The following ATAD1 variants were observed in gnomAD, a reference collection of about 807,000 sequenced individuals.
ATAD1 encodes outer mitochondrial transmembrane helix translocase.
A neutral mutation model predicts 42.7 loss-of-function variants in ATAD1; 18 were observed. That is an observed-to-expected ratio of 0.42 (90% confidence interval 0.29 to 0.63). ATAD1 has a LOEUF of 0.63. Ranked by LOEUF, ATAD1 falls within the 20% of genes least tolerant of loss-of-function variation. The pLI is 0.19. For missense variants in ATAD1, 294 were observed against 440.4 expected (o/e 0.67, Z 2.98); for synonymous variants, 132 against 143.1 (o/e 0.92, Z 0.55).
intron 5 of ATAD1, among the ~76,000 whole-genome samples, chr10:87,777,578 G>A (rs992181602): frequency 3.3e-5 from 5 of 150,522 alleles, no homozygotes; most frequent in Non-Finnish European, 7.4e-5. Flanking sequence ...AGACTGAAAG[G>A]TGCTACATCC....
chr10:87,819,379 G>A (rs1857581196), upstream of ATAD1: 1 of 151,838 alleles, frequency 6.6e-6, no homozygotes, highest in South Asian at 2.1e-4. Flanking sequence ...TTGAGCGTGG[G>A]AGATCACGGC....
chr10:87,767,571 T>C, intron 8 of ATAD1, 102 bp downstream of exon 8: 1 of 1,094,134 alleles, frequency 9.1e-7, no homozygotes, highest in Non-Finnish European at 1.4e-6. Flanking sequence ...CTGGAGATCC[T>C]TGGGGTATAT....
chr10:87,798,912 T>C (rs1856546914), intron 2 of ATAD1, among the ~76,000 whole-genome samples: 1 of 152,126 alleles, frequency 6.6e-6, no homozygotes, highest in Non-Finnish European at 1.5e-5. Context: ...GAATCTATAA[T>C]ATGTACTTCT....
In ATAD1 at chr10:87,753,207, T is replaced by G. The variant is rs1459646087; in HGVS notation, c.*1480A>C. The G allele has an allele frequency of 1.3e-5, 2 of 152,126 alleles. No individual in the cohort carries two copies. Among genetic ancestry groups the G allele is most frequent in the East Asian group, 1.9e-4 (1 of 5,198 alleles). The allele number at this position is 152,126 out of a possible 1,614,324, so 9.4% of individuals were successfully genotyped here. ...TTTTTTTCATTTTTGGTATCTTGTA[T>G]TCAGTTTTTCCATCCTCTTCACAAT... is the stretch of plus-strand genomic sequence containing the variant. On this transcript the variant is annotated 3_prime_UTR_variant, in exon 10 of 10. Coordinates refer to ENST00000680024, the MANE Select transcript of ATAD1 (RefSeq NM_001321967.2).
chr10:87,791,356 T>C (rs549265737), intron 3 of ATAD1, among the ~76,000 whole-genome samples: 3 of 151,948 alleles, frequency 2.0e-5, no homozygotes, highest in South Asian at 4.2e-4. Context: ...GGAGCTGGAG[T>C]TGGGGCCAAT....
intron 6 of ATAD1, among the ~76,000 whole-genome samples, chr10:87,771,784 C>T (rs1419682833): frequency 6.7e-6 from 1 of 149,682 alleles, no homozygotes; most frequent in Admixed American, 6.6e-5. Flanking sequence ...TAAAAATAAA[C>T]ATGAATAAAA....
rs1182323432 is a variant in ATAD1 at position 87,753,471 on chromosome 10, G to A, written c.*1216C>T. 8 of 152,160 alleles carry A rather than the reference G, an allele frequency of 5.3e-5. No homozygotes were observed. Among genetic ancestry groups the A allele is most frequent in the East Asian group, 3.9e-4 (2 of 5,186 alleles). The allele number at this position is 152,160 out of a possible 1,614,324, so 9.4% of individuals were successfully genotyped here. A position where few individuals can be genotyped will look rare whatever the true frequency, so the allele number is the denominator to read the frequency against. ...AGGCACCTCAAGATTGTGTTGTGCC[G>A]TTTTCCTCATGCTGCGTGGTTAGGT... On this transcript the variant is annotated 3_prime_UTR_variant, in exon 10 of 10. Transcript: ENST00000680024.
At chr10:87,836,130 G>T (rs1262871626) in intron 1 of ATAD1, among the ~76,000 whole-genome samples, 1 of 151,806 alleles carries the variant, frequency 6.6e-6, no homozygotes, top group African/African-American at 2.4e-5. Flanking sequence ...GTTTTGTTTT[G>T]TTTTGTTTTC....
At chr10:87,809,017 C>T (rs1179814218) in intron 2 of ATAD1, among the ~76,000 whole-genome samples, 1 of 152,074 alleles carries the variant, frequency 6.6e-6, no homozygotes, top group Non-Finnish European at 1.5e-5. Context: ...GTTCTATGGG[C>T]CTGAAGTTTT....
chr10:87,755,135 A>C (rs1181156031), intron 9 of ATAD1, among the ~76,000 whole-genome samples: 2 of 152,260 alleles, frequency 1.3e-5, no homozygotes, highest in Admixed American at 1.3e-4. Context: ...CATAAGGTAA[A>C]AAATGTTATA....
chr10:87,767,132 G>A (rs1277734298), intron 8 of ATAD1, among the ~76,000 whole-genome samples: 1 of 152,122 alleles, frequency 6.6e-6, no homozygotes, highest in Non-Finnish European at 1.5e-5. Flanking sequence ...GCATTTTAAT[G>A]CACAGATACA....
chr10:87,766,285 G>A (rs1175046592), intron 8 of ATAD1, among the ~76,000 whole-genome samples: 2 of 152,120 alleles, frequency 1.3e-5, no homozygotes, highest in Non-Finnish European at 2.9e-5. Flanking sequence ...AGTATGAAAT[G>A]ACATACACAC....
At chr10:87,825,574 A>C (rs1014413973) in intron 1 of ATAD1, among the ~76,000 whole-genome samples, 1 of 152,036 alleles carries the variant, frequency 6.6e-6, no homozygotes, top group Non-Finnish European at 1.5e-5. Context: ...CTCCCAAAGT[A>C]CTGGGATTAC....
In ATAD1 at chr10:87,753,749, TAAAG is replaced by T. The variant is rs1361590328; in HGVS notation, c.*934_*937del. On this transcript the variant is annotated 3_prime_UTR_variant, in exon 10 of 10. Transcript: ENST00000680024. ...TGACCAAATTATATTTGACCATAATTAAAGAACACATAACCTTAAAATAATATTT... is the reference window on the plus strand; with the variant it reads ...TGACCAAATTATATTTGACCATAATTAACACATAACCTTAAAATAATATTT... 1 of 152,610 alleles carries T rather than the reference TAAAG, an allele frequency of 6.6e-6. No homozygotes were observed. 9.5% of individuals were successfully genotyped at this position (152,610 alleles called of 1,614,324 possible).
upstream of ATAD1, among the ~76,000 whole-genome samples, chr10:87,822,271 A>G (rs1857645231): frequency 6.6e-6 from 1 of 152,206 alleles, no homozygotes; most frequent in Non-Finnish European, 1.5e-5. Context: ...TTCAATCATT[A>G]TTTTTTAATT....
intron 7 of ATAD1, among the ~76,000 whole-genome samples, chr10:87,768,953 T>C (rs1411569286): frequency 6.6e-6 from 1 of 152,120 alleles, no homozygotes; most frequent in Non-Finnish European, 1.5e-5. Context: ...TGGTGGTGCA[T>C]GCCTATAGTC....
At chr10:87,781,647 A>ATT (rs34924600) in intron 5 of ATAD1, among the ~76,000 whole-genome samples, 1 of 150,722 alleles carries the variant, frequency 6.6e-6, no homozygotes, top group African/African-American at 2.4e-5. Flanking sequence ...GAGATGAAGA[A>ATT]TTTTTTTTTT....
chr10:87,835,871 A>T lies in ATAD1; in HGVS notation c.-14+5316T>A, dbSNP rs531617507. Reference sequence around the variant, plus strand: ...AAATATAAATATTTAATTTTACACAACCTACTTAGAATCAATATTTTATAA... The same window carrying T: ...AAATATAAATATTTAATTTTACACATCCTACTTAGAATCAATATTTTATAA... On this transcript the variant is annotated intron_variant, in intron 1 of 4. Coordinates refer to the ATAD1 transcript ENST00000495903. Among the ~76,000 whole-genome samples, 11 of 152,284 alleles carry T rather than the reference A, an allele frequency of 7.2e-5. No individual in the cohort carries two copies. The South Asian group carries it at 2.3e-3, about 32-fold the overall frequency.
chr10:87,829,158 T>C (rs1400394073), intron 1 of ATAD1, among the ~76,000 whole-genome samples: 1 of 152,156 alleles, frequency 6.6e-6, no homozygotes, highest in Non-Finnish European at 1.5e-5. Context: ...ATAGCTACCA[T>C]AGATAGTGAT....
Sources: allele counts gnomAD v4.1 joint callset (sites outside exome capture counted in the v4.1 genomes callset), GRCh38; gene constraint gnomAD v4.1.1; transcripts MANE v1.5; gene names NCBI Gene and HGNC (gene_info 2026-07-23, HGNC 2026-07-21).